The following COL26A1 variants were observed in gnomAD, a reference collection of about 807,000 sequenced individuals.
The protein encoded by COL26A1 is collagen alpha-1(XXVI) chain.
Under a neutral mutation model 59.3 loss-of-function variants are expected in COL26A1, and 41 were observed. The observed-to-expected ratio is 0.69, with a 90% CI of 0.54 to 0.90. The LOEUF (loss-of-function observed/expected upper bound fraction) is 0.90, where lower values mean the gene tolerates loss of function less well. COL26A1 is among the 40% of genes least tolerant of loss of function. COL26A1 has a pLI of 0.00. For synonymous variants in COL26A1, 266 were observed against 256.0 expected (o/e 1.04, Z -0.37); for missense variants, 612 against 602.3 (o/e 1.02, Z -0.17).
intron 1 of COL26A1, among the ~76,000 whole-genome samples, chr7:101,380,038 C>G: frequency 6.6e-6 from 1 of 152,170 alleles, no homozygotes; most frequent in East Asian, 1.9e-4. Context: ...GTTGCCCAGT[C>G]AGGAGTGCAG....
chr7:101,387,575 C>CA (rs1791606595), intron 1 of COL26A1, among the ~76,000 whole-genome samples: 1 of 147,032 alleles, frequency 6.8e-6, no homozygotes, highest in African/African-American at 2.5e-5. Context: ...TTTTTTGAGA[C>CA]AGAGTTTTAC....
At chr7:101,540,083 C>A in intron 5 of COL26A1, 34 bp downstream of exon 5, 3 of 1,586,858 alleles carry the variant, frequency 1.9e-6, no homozygotes, top group Non-Finnish European at 1.7e-6. Context: ...CAGGCTGGGG[C>A]AGCCGAAGGG....
intron 1 of COL26A1, among the ~76,000 whole-genome samples, chr7:101,396,360 G>T (rs907154227): frequency 6.6e-6 from 1 of 152,108 alleles, no homozygotes; most frequent in Admixed American, 6.6e-5. Flanking sequence ...TAAGGCCTTT[G>T]TCTCTTCCTA....
chr7:101,392,031 TCA>T (rs1791742810), intron 1 of COL26A1, among the ~76,000 whole-genome samples: 1 of 152,106 alleles, frequency 6.6e-6, no homozygotes, highest in South Asian at 2.1e-4. Context: ...AAGTGCATTC[TCA>T]GAGTCCAGCA....
chr7:101,451,351 T>C (rs961448670), intron 3 of COL26A1, among the ~76,000 whole-genome samples: 3 of 146,786 alleles, frequency 2.0e-5, no homozygotes, highest in Non-Finnish European at 3.0e-5. Context: ...ATTTAAACAA[T>C]GTATGTATTA....
chr7:101,525,839 T>G (rs1795236070), intron 3 of COL26A1, among the ~76,000 whole-genome samples: 1 of 152,004 alleles, frequency 6.6e-6, no homozygotes, highest in Admixed American at 6.6e-5. Flanking sequence ...CGTAGAGACT[T>G]TCTTCCTTTG....
exon 1 of COL26A1, chr7:101,362,856 GCCCCGGAGAGGCGTGGGCGC>G (rs1790922722): frequency 3.3e-6 from 2 of 598,418 alleles, no homozygotes; most frequent in Admixed American, 3.7e-5. Flanking sequence ...TGAAAAGGCG[GCCCCGGAGAGGCGTGGGCGC>G]CCCCCACACA....
rs1793231486 is a variant in COL26A1 at position 101,447,662 on chromosome 7, CCT to C, written c.282-21_282-20del. 1.3e-6 allele frequency: 2 copies of C among 1,506,312 alleles called. No homozygotes were observed. The highest frequency in any genetic ancestry group is 1.8e-6 in the Non-Finnish European group (2 of 1,101,018). 93.3% of individuals were successfully genotyped at this position (1,506,312 alleles called of 1,614,324 possible). A position where few individuals can be genotyped will look rare whatever the true frequency, so the allele number is the denominator to read the frequency against. ...GTGGGTGGGTGGGAGCTCATGCCCC[CCT>C]GACGCTGTCTGTGTGTTAGTTACAG... is the stretch of plus-strand genomic sequence containing the variant. On this transcript the variant is annotated intron_variant, in intron 2 of 12. Coordinates refer to ENST00000313669, the MANE Select transcript of COL26A1 (RefSeq NM_001278563.3).
At chr7:101,404,710 A>G (rs1203393000) in intron 1 of COL26A1, among the ~76,000 whole-genome samples, 1 of 152,152 alleles carries the variant, frequency 6.6e-6, no homozygotes, top group African/African-American at 2.4e-5. Flanking sequence ...AGCCTAGGCT[A>G]TATAGTGAAT....
rs112207152 is a variant in COL26A1 at position 101,521,966 on chromosome 7, G to A, written c.386-11116G>A. On this transcript the variant is annotated intron_variant, in intron 3 of 12. Coordinates refer to ENST00000313669, the MANE Select transcript of COL26A1 (RefSeq NM_001278563.3). ...ATGTGGTTTGCCTACTGTTCTGACC[G>A]TGTTGCATTTCATTTTGTGATATGC... Among the ~76,000 whole-genome samples the A allele has an allele frequency of 5.8e-3, 883 of 152,246 alleles. 10 individuals are homozygous for A. Among genetic ancestry groups the A allele is most frequent in the African/African-American group, 0.019 (790 of 41,542 alleles).
intron 1 of COL26A1, among the ~76,000 whole-genome samples, chr7:101,403,365 A>G (rs1792058487): frequency 6.6e-6 from 1 of 152,016 alleles, no homozygotes; most frequent in Admixed American, 6.6e-5. Flanking sequence ...CTAAAAATAC[A>G]AAAATTAGTG....
At chr7:101,426,606 G>A (rs1792654861) in intron 2 of COL26A1, among the ~76,000 whole-genome samples, 1 of 152,150 alleles carries the variant, frequency 6.6e-6, no homozygotes, top group African/African-American at 2.4e-5. Context: ...AGACTTCCCT[G>A]GATGTCTCAT....
At chr7:101,500,415 C>T (rs764949783) in intron 3 of COL26A1, among the ~76,000 whole-genome samples, 27 of 152,214 alleles carry the variant, frequency 1.8e-4, no homozygotes, top group Admixed American at 1.1e-3. Flanking sequence ...TTTCAACATC[C>T]AGGAGTTTGG....
intron 3 of COL26A1, among the ~76,000 whole-genome samples, chr7:101,464,577 AATTTTGT>A (rs1418207130): frequency 2.0e-5 from 3 of 149,170 alleles, no homozygotes; most frequent in African/African-American, 5.0e-5. Context: ...ACGCCTGGCT[AATTTTGT>A]ATTTTCATTA....
chr7:101,486,529 C>T (rs1794273530), intron 3 of COL26A1, among the ~76,000 whole-genome samples: 1 of 152,246 alleles, frequency 6.6e-6, no homozygotes, highest in African/African-American at 2.4e-5. Context: ...CCGCCCTGGC[C>T]CTGCCGTCAG....
At position 101,539,953 on chromosome 7, in the gene COL26A1, G is replaced by A. The variant is rs201033978; in HGVS notation, c.508G>A (p.Glu170Lys). 1.4e-4 allele frequency: 221 copies of A among 1,613,624 alleles called. No individual in the cohort carries two copies. In the African/African-American group the frequency reaches 2.4e-3, roughly 18 times the overall value. The change falls in exon 5 of 13, where the codon GAG becomes AAG. Residue 170 changes from glutamate (E) to lysine (K), a missense_variant. Physicochemically the swap from Glu to Lys is moderately conservative, Grantham distance 56 (BLOSUM62 1). Coordinates refer to ENST00000313669, the MANE Select transcript of COL26A1 (RefSeq NM_001278563.3). ...SSPDNDLPAP[E>K]STPPTWNEDF... ...CCCGGACAACGACCTGCCAGCCCCCGAGAGCACTCCGCCGACCTGGAATGA... is the reference window on the plus strand; with the variant it reads ...CCCGGACAACGACCTGCCAGCCCCCAAGAGCACTCCGCCGACCTGGAATGA...
At chr7:101,472,287 T>G (rs931487594) in intron 3 of COL26A1, among the ~76,000 whole-genome samples, 1 of 152,230 alleles carries the variant, frequency 6.6e-6, no homozygotes, top group Non-Finnish European at 1.5e-5. Context: ...ATTACAGGTG[T>G]GAGCCGCTGT....
At position 101,447,420 on chromosome 7, in the gene COL26A1, A is replaced by G. The variant is rs547021538; in HGVS notation, c.282-264A>G. On this transcript the variant is annotated intron_variant, in intron 2 of 12. Transcript: ENST00000313669. ...CCCAAGATTAGTTCGGCCTACTCCC[A>G]GGAATGAAGGAGGACAGCCTAAAGT... is the stretch of plus-strand genomic sequence containing the variant. Among the ~76,000 whole-genome samples the G allele has an allele frequency of 2.0e-5, 3 of 152,374 alleles. No individual in the cohort carries two copies. The East Asian group carries it at 5.8e-4, about 29-fold the overall frequency.
chr7:101,525,007 G>A (rs999846523), intron 3 of COL26A1, among the ~76,000 whole-genome samples: 2 of 151,990 alleles, frequency 1.3e-5, no homozygotes, highest in Non-Finnish European at 2.9e-5. Flanking sequence ...CATGGTCCAG[G>A]CACTTGCTTT....
Sources: gnomAD v4.1 joint callset for allele counts (sites outside exome capture counted in the v4.1 genomes callset) on GRCh38, gnomAD v4.1.1 for gene constraint, MANE v1.5 for transcripts, NCBI Gene and HGNC (gene_info 2026-07-23, HGNC 2026-07-21) for gene names.